SNTG1: variants seen among roughly 807,000 people sequenced by gnomAD.
The protein encoded by SNTG1 is syntrophin gamma 1.
SNTG1 carries 39 observed loss-of-function variants against 74.7 expected under a neutral mutation model. The observed-to-expected ratio is 0.52, with a 90% CI of 0.40 to 0.68. The LOEUF (loss-of-function observed/expected upper bound fraction) is 0.68, where lower values mean the gene tolerates loss of function less well. Ranked by LOEUF, SNTG1 falls within the 30% of genes least tolerant of loss-of-function variation. The probability of loss-of-function intolerance (pLI) is 0.00; values close to 1 mark genes in which losing one functional copy is unlikely to be tolerated. For missense variants in SNTG1, 685 were observed against 609.5 expected, an observed-to-expected ratio of 1.12 and a Z score of -1.30; for synonymous variants, 254 against 217.1, an observed-to-expected ratio of 1.17 and a Z score of -1.49.
chr8:50,311,935 G>C (rs927182417), intron 2 of SNTG1, among the ~76,000 whole-genome samples: 1 of 152,022 alleles, frequency 6.6e-6, no homozygotes, highest in African/African-American at 2.4e-5. Context: ...TGTTCTCCTG[G>C]GATCACTGCA....
intron 4 of SNTG1, among the ~76,000 whole-genome samples, chr8:50,423,007 G>A (rs1479756380): frequency 6.6e-6 from 1 of 152,130 alleles, no homozygotes; most frequent in African/African-American, 2.4e-5. Flanking sequence ...GGTGGGTTTG[G>A]GGGGGTTAGC....
At chr8:50,284,849 T>A (rs1236812107) in intron 2 of SNTG1, among the ~76,000 whole-genome samples, 1 of 152,150 alleles carries the variant, frequency 6.6e-6, no homozygotes, top group Non-Finnish European at 1.5e-5. Flanking sequence ...TAAACTCTCC[T>A]ATATCCTTAA....
chr8:50,211,114 T>G (rs1399466286), intron 2 of SNTG1, among the ~76,000 whole-genome samples: 1 of 152,146 alleles, frequency 6.6e-6, no homozygotes, highest in Non-Finnish European at 1.5e-5. Context: ...TGTAGTATAA[T>G]CATCCCAAAA....
intron 1 of SNTG1, among the ~76,000 whole-genome samples, chr8:50,076,861 T>C (rs908943036): frequency 5.9e-5 from 9 of 152,178 alleles, no homozygotes; most frequent in South Asian, 4.1e-4. Flanking sequence ...AACTTTATTT[T>C]AGTGTGTTTT....
chr8:50,753,485 A>G (rs928296882), intron 18 of SNTG1, among the ~76,000 whole-genome samples: 1 of 151,972 alleles, frequency 6.6e-6, no homozygotes, highest in Non-Finnish European at 1.5e-5. Flanking sequence ...TACAGTATTC[A>G]GTTGCTTACC....
chr8:50,397,448 C>T (rs2092741934), intron 3 of SNTG1, among the ~76,000 whole-genome samples: 2 of 152,124 alleles, frequency 1.3e-5, no homozygotes, highest in Non-Finnish European at 2.9e-5. Flanking sequence ...TCCCATGATT[C>T]GGTCTCTCAT....
chr8:50,480,564 G>C (rs773231282), intron 8 of SNTG1, among the ~76,000 whole-genome samples: 23 of 152,168 alleles, frequency 1.5e-4, no homozygotes, highest in Non-Finnish European at 2.6e-4. Context: ...TTGCTAACTA[G>C]TGCTGAAATA....
chr8:50,389,383 C>T (rs1001325479), intron 2 of SNTG1, among the ~76,000 whole-genome samples: 10 of 152,076 alleles, frequency 6.6e-5, no homozygotes, highest in African/African-American at 1.9e-4. Context: ...AATACTTAAT[C>T]GATTGTATGA....
intron 17 of SNTG1, among the ~76,000 whole-genome samples, chr8:50,730,222 G>A (rs111890006): frequency 1.0e-3 from 154 of 152,280 alleles, no homozygotes; most frequent in African/African-American, 3.4e-3. Context: ...AAAGAGAACC[G>A]TGGAAAGACA....
intron 12 of SNTG1, among the ~76,000 whole-genome samples, chr8:50,586,546 C>T (rs1287480515): frequency 2.0e-5 from 3 of 152,014 alleles, no homozygotes; most frequent in Non-Finnish European, 4.4e-5. Flanking sequence ...TGGGATCTTT[C>T]ATTTCCATGT....
At chr8:50,455,090 G>A (rs1460927481) in intron 8 of SNTG1, among the ~76,000 whole-genome samples, 1 of 152,054 alleles carries the variant, frequency 6.6e-6, no homozygotes, top group East Asian at 1.9e-4. Context: ...ATATAACAAT[G>A]GTGATCTTCC....
intron 2 of SNTG1, among the ~76,000 whole-genome samples, chr8:50,391,248 G>A (rs12548514): frequency 0.92 from 140,691 of 152,236 alleles, 65,587 homozygotes; most frequent in Non-Finnish European, 1. Context: ...ATGTCCCATC[G>A]ATACCTAATG....
intron 15 of SNTG1, among the ~76,000 whole-genome samples, chr8:50,701,588 C>CTTCTTCTTCTTCTTCTTCTTCTTT: frequency 9.1e-6 from 1 of 110,428 alleles, no homozygotes; most frequent in African/African-American, 3.1e-5. Context: ...TTTTCTTCCT[C>CTTCTTCTTCTTCTTCTTCTTCTTT]TTCTTCTTCT....
intron 1 of SNTG1, among the ~76,000 whole-genome samples, chr8:49,926,530 A>C (rs1205255185): frequency 1.3e-5 from 2 of 152,156 alleles, no homozygotes; most frequent in Non-Finnish European, 2.9e-5. Context: ...ACAACTGAAC[A>C]TTCACATGCA....
intron 9 of SNTG1, among the ~76,000 whole-genome samples, chr8:50,521,075 T>C (rs1301187053): frequency 1.3e-5 from 2 of 152,134 alleles, no homozygotes; most frequent in East Asian, 1.9e-4. Flanking sequence ...ATATACACCA[T>C]GGAATACTAT....
intron 8 of SNTG1, among the ~76,000 whole-genome samples, chr8:50,499,666 T>G (rs925192464): frequency 1.4e-5 from 2 of 147,540 alleles, no homozygotes; most frequent in Non-Finnish European, 3.0e-5. Flanking sequence ...TACCTGTAGG[T>G]TTTTTTTTTA....
At chr8:50,512,193 A>T (rs1177779462) in intron 9 of SNTG1, among the ~76,000 whole-genome samples, 1 of 152,088 alleles carries the variant, frequency 6.6e-6, no homozygotes, top group African/African-American at 2.4e-5. Context: ...TTGGCTGGAT[A>T]TGAAATTCTG....
At chr8:50,615,229 G>C (rs113336260) in intron 13 of SNTG1, among the ~76,000 whole-genome samples, 1 of 151,942 alleles carries the variant, frequency 6.6e-6, no homozygotes. Context: ...CAAAGTGCTG[G>C]GATTACAGGC....
intron 13 of SNTG1, among the ~76,000 whole-genome samples, chr8:50,614,371 C>A (rs1025354160): frequency 1.3e-5 from 2 of 151,938 alleles, no homozygotes; most frequent in South Asian, 4.1e-4. Context: ...ACAATTCCTA[C>A]AGAAGGAGAA....
Sources: allele counts gnomAD v4.1 joint callset (sites outside exome capture counted in the v4.1 genomes callset), GRCh38; gene constraint gnomAD v4.1.1; transcripts MANE v1.5; gene names NCBI Gene and HGNC (gene_info 2026-07-23, HGNC 2026-07-21).